Variants in DTNA observed in about 807,000 individuals in gnomAD.
DTNA encodes the protein dystrobrevin alpha.
DTNA carries 43 observed loss-of-function variants against 100.7 expected under a neutral mutation model. The ratio of observed to expected loss-of-function variants is 0.43; its 90% CI spans 0.33 to 0.55. The LOEUF (loss-of-function observed/expected upper bound fraction) is 0.55, where lower values mean the gene tolerates loss of function less well. DTNA is among the 20% of genes least tolerant of loss of function. The pLI is 0.04. For missense variants in DTNA, 798 were observed against 953.9 expected (o/e 0.84, Z 2.15); for synonymous variants, 349 against 347.9 (o/e 1.00, Z -0.04).
intron 1 of DTNA, among the ~76,000 whole-genome samples, chr18:34,598,337 G>A (rs1461524058): frequency 6.6e-6 from 1 of 151,940 alleles, no homozygotes; most frequent in Non-Finnish European, 1.5e-5. Flanking sequence ...AAGAGTCATA[G>A]AGTGGGAAAA....
intron 1 of DTNA, chr18:34,494,001 C>T (rs111846993): frequency 0.12 from 18,348 of 149,174 alleles, 1,256 homozygotes; most frequent in East Asian, 0.19. Flanking sequence ...ATGTCCGGCC[C>T]GGGGGCGCGG....
intron 3 of DTNA, among the ~76,000 whole-genome samples, chr18:34,776,684 G>T (rs765620234): frequency 7.9e-5 from 12 of 152,164 alleles, no homozygotes; most frequent in Non-Finnish European, 1.0e-4. Context: ...ATCTCAAAGG[G>T]ATATCTAAAC....
At chr18:34,768,835 A>G (rs941990991) in intron 3 of DTNA, among the ~76,000 whole-genome samples, 1 of 152,200 alleles carries the variant, frequency 6.6e-6, no homozygotes, top group African/African-American at 2.4e-5. Flanking sequence ...GTTGCTCAAA[A>G]TCTAACTGAG....
intron 1 of DTNA, among the ~76,000 whole-genome samples, chr18:34,652,322 A>G (rs1220584616): frequency 1.3e-5 from 2 of 152,152 alleles, no homozygotes; most frequent in Admixed American, 6.5e-5. Context: ...CTCAGAACTC[A>G]TCAATGAGTT....
intron 1 of DTNA, among the ~76,000 whole-genome samples, chr18:34,505,193 G>GTATTCTTTA (rs1320520549): frequency 5.9e-5 from 9 of 152,142 alleles, no homozygotes; most frequent in Admixed American, 2.0e-4. Context: ...AGCTTCTAGA[G>GTATTCTTTA]GCACCTGTAT....
chr18:34,702,537 T>C (rs963096519), intron 1 of DTNA, among the ~76,000 whole-genome samples: 1 of 152,152 alleles, frequency 6.6e-6, no homozygotes, highest in Non-Finnish European at 1.5e-5. Context: ...TAGAACTTGC[T>C]TCCCCCACAG....
intron 1 of DTNA, among the ~76,000 whole-genome samples, chr18:34,748,872 G>GA (rs371454449): frequency 7.0e-4 from 106 of 152,204 alleles, no homozygotes; most frequent in African/African-American, 2.5e-3. Context: ...AAATTGCATT[G>GA]AATCTGTAGA....
At chr18:34,711,164 G>T (rs934832526) in intron 1 of DTNA, among the ~76,000 whole-genome samples, 1 of 152,158 alleles carries the variant, frequency 6.6e-6, no homozygotes, top group East Asian at 1.9e-4. Context: ...AAACAATTCA[G>T]TGTGGCTGTG....
At chr18:34,821,323 G>A (rs781013912) in intron 9 of DTNA, 3 of 410,182 alleles carry the variant, frequency 7.3e-6, no homozygotes, top group Non-Finnish European at 1.4e-5. Flanking sequence ...TGCAGACCCA[G>A]TTTAAGATGC....
At chr18:34,624,087 A>G (rs1261216617) in intron 1 of DTNA, among the ~76,000 whole-genome samples, 3 of 152,222 alleles carry the variant, frequency 2.0e-5, no homozygotes, top group Non-Finnish European at 4.4e-5. Context: ...GTCCAAGTCT[A>G]TGAAAAGTTC....
chr18:34,768,857 T>C (rs1466784203), intron 3 of DTNA, among the ~76,000 whole-genome samples: 4 of 152,198 alleles, frequency 2.6e-5, no homozygotes, highest in African/African-American at 9.6e-5. Flanking sequence ...ATATGGGCTT[T>C]TAAGCAGATT....
At chr18:34,595,502 C>A (rs993758786) in intron 1 of DTNA, among the ~76,000 whole-genome samples, 1 of 152,102 alleles carries the variant, frequency 6.6e-6, no homozygotes, top group African/African-American at 2.4e-5. Flanking sequence ...TATTATATCA[C>A]TTTTATAGTT....
chr18:34,557,034 A>G (rs1211818233), intron 1 of DTNA, among the ~76,000 whole-genome samples: 1 of 150,140 alleles, frequency 6.7e-6, no homozygotes, highest in Non-Finnish European at 1.5e-5. Context: ...TGGTCTTTTC[A>G]CATAGTCCCA....
chr18:34,613,624 A>G (rs1322745680), intron 1 of DTNA, among the ~76,000 whole-genome samples: 3 of 152,242 alleles, frequency 2.0e-5, no homozygotes, highest in African/African-American at 2.4e-5. Flanking sequence ...AGGAAGATCA[A>G]ATTAGCCACA....
At chr18:34,694,876 T>C (rs569558835) in intron 1 of DTNA, among the ~76,000 whole-genome samples, 1 of 152,292 alleles carries the variant, frequency 6.6e-6, no homozygotes, top group African/African-American at 2.4e-5. Context: ...CCACAGCAAA[T>C]GAGCCTCTCA....
In DTNA at chr18:34,834,498, C is replaced by A. The variant is rs556695907; in HGVS notation, c.1176-3596C>A. On this transcript the variant is annotated intron_variant, in intron 11 of 22. Transcript: ENST00000444659. ...AGCCTGGGCAACAAGAGTGAAACTC[C>A]GTCTCAAAAAAAAAAAAGAGGTTTA... 2.2e-3 allele frequency among the ~76,000 whole-genome samples: 338 copies of A among 151,134 alleles called. 1 individual carries two copies. Among genetic ancestry groups the A allele is most frequent in the African/African-American group, 7.9e-3 (323 of 41,096 alleles).
At chr18:34,512,125 TCC>T (rs2041151300) in intron 1 of DTNA, among the ~76,000 whole-genome samples, 4 of 151,986 alleles carry the variant, frequency 2.6e-5, no homozygotes, top group South Asian at 4.2e-4. Flanking sequence ...ATCCCAGAAG[TCC>T]CACTGGCTCT....
intron 1 of DTNA, among the ~76,000 whole-genome samples, chr18:34,600,412 C>T (rs1298544808): frequency 6.6e-6 from 1 of 152,120 alleles, no homozygotes; most frequent in Non-Finnish European, 1.5e-5. Flanking sequence ...CTTTTTAAGT[C>T]TCAGTTTATT....
At chr18:34,866,417 T>A in intron 17 of DTNA, 1 of 1,313,884 alleles carries the variant, frequency 7.6e-7, no homozygotes, top group East Asian at 3.5e-5. Context: ...CCCAGAGGTA[T>A]AAGTTTCAAA....
Sources: allele counts gnomAD v4.1 joint callset (sites outside exome capture counted in the v4.1 genomes callset), GRCh38; gene constraint gnomAD v4.1.1; transcripts MANE v1.5; gene names NCBI Gene and HGNC (gene_info 2026-07-23, HGNC 2026-07-21).